Variants in UACA observed in about 807,000 individuals in gnomAD.
UACA encodes uveal autoantigen with coiled-coil domains and ankyrin repeats, also known as nuclear membrane binding protein.
UACA carries 112 observed loss-of-function variants against 160.5 expected under a neutral mutation model. The ratio of observed to expected loss-of-function variants is 0.70; its 90% CI spans 0.60 to 0.82. The LOEUF (loss-of-function observed/expected upper bound fraction) is 0.82, where lower values mean the gene tolerates loss of function less well. Ranked by LOEUF, UACA falls within the 40% of genes least tolerant of loss-of-function variation. The probability of loss-of-function intolerance (pLI) is 0.00; values close to 1 mark genes in which losing one functional copy is unlikely to be tolerated. For synonymous variants in UACA, 557 were observed against 568.4 expected (o/e 0.98, Z 0.29); for missense variants, 1,574 against 1,614.6 (o/e 0.97, Z 0.43).
chr15:70,708,567 A>G (rs1898587791), intron 1 of UACA, among the ~76,000 whole-genome samples: 1 of 151,792 alleles, frequency 6.6e-6, no homozygotes, highest in Non-Finnish European at 1.5e-5. Context: ...ACCCAGGTTC[A>G]AGCTATTCTC....
At chr15:70,757,548 A>C (rs77625673) in intron 1 of UACA, among the ~76,000 whole-genome samples, 7,314 of 152,260 alleles carry the variant, frequency 0.048, 626 homozygotes, top group African/African-American at 0.17. Flanking sequence ...GTAAAGTATA[A>C]CTAAAACAGA....
intron 11 of UACA, among the ~76,000 whole-genome samples, chr15:70,677,549 C>T (rs748998560): frequency 6.6e-6 from 1 of 152,156 alleles, no homozygotes; most frequent in Non-Finnish European, 1.5e-5. Flanking sequence ...GTACCAATCA[C>T]GCAGTTACTT....
At chr15:70,697,072 T>C (rs190159615) in intron 2 of UACA, among the ~76,000 whole-genome samples, 1 of 152,360 alleles carries the variant, frequency 6.6e-6, no homozygotes, top group Admixed American at 6.5e-5. Flanking sequence ...ATCAACTCTA[T>C]GTTTTCTTCT....
chr15:70,664,741 C>G lies in UACA; in HGVS notation c.4034G>C (p.Ser1345Thr). 1 of 1,613,704 alleles carries G rather than the reference C, an allele frequency of 6.2e-7. No individual in the cohort carries two copies. Among genetic ancestry groups the G allele is most frequent in the Non-Finnish European group, 8.5e-7 (1 of 1,179,864 alleles). The change falls in exon 17 of 19, where the codon AGT (serine) becomes ACT (threonine). Residue 1345 changes from serine (S) to threonine (T), a missense_variant. Coordinates refer to ENST00000322954, the MANE Select transcript of UACA (RefSeq NM_018003.4). The stretch of plus-strand genomic sequence containing the variant: ...GCTCTGCCTCTTGGTGGGGTTCCCA[C>G]TTGTGTAGGTGAGTTGGGAAAGGCC... The part of the protein sequence containing the change: ...LNGLSQLTYT[S>T]GNPTKRQSQL...
At chr15:70,776,425 C>CTT in the UACA span, among the ~76,000 whole-genome samples, 1,109 of 125,296 alleles carry the variant, frequency 8.9e-3, 12 homozygotes, top group Non-Finnish European at 0.015. Context: ...CCTCAAATGT[C>CTT]TTTTTTTTTT....
rs148033681 is a variant in UACA, at chr15:70,690,638, C to A, written c.367-127G>T. 1.8e-4 allele frequency: 121 copies of A among 674,678 alleles called. No homozygotes were observed. The African/African-American group carries it at 2.1e-3, about 11-fold the overall frequency. The allele number at this position is 674,678 out of a possible 1,614,324, so 41.8% of individuals were successfully genotyped here. A position where few individuals can be genotyped will look rare whatever the true frequency, so the allele number is the denominator to read the frequency against. On this transcript the variant is annotated intron_variant, in intron 4 of 18. Coordinates refer to ENST00000322954, the MANE Select transcript of UACA (RefSeq NM_018003.4). ...CTTATCAAAGAAGCTAAAGACTATC[C>A]GACAATCCATGAAATATGCTGACAT...
In UACA at chr15:70,685,470, C is replaced by A. The variant is rs187152094; in HGVS notation, c.603-1024G>T. 9.2e-5 allele frequency among the ~76,000 whole-genome samples: 14 copies of A among 152,234 alleles called. No individual in the cohort carries two copies. The East Asian group carries it at 2.3e-3, about 25-fold the overall frequency. On this transcript the variant is annotated intron_variant, in intron 7 of 18. Transcript: ENST00000322954. ...CATATTCAAGCCTTGTCCCCCAACT[C>A]CCCTGTAGTTGCTGATAAGAAATTC...
intron 1 of UACA, chr15:70,748,821 A>G (rs1899790938): frequency 6.6e-6 from 1 of 152,530 alleles, no homozygotes; most frequent in African/African-American, 2.4e-5. Context: ...GAATATTCCA[A>G]TTATTAATAG....
chr15:70,687,711 T>C (rs1232434589), intron 6 of UACA, 39 bp downstream of exon 6: 1 of 1,613,208 alleles, frequency 6.2e-7, no homozygotes, highest in Non-Finnish European at 8.5e-7. Context: ...GAAGTTAGAA[T>C]GCATGAGTTG....
At chr15:70,676,738 T>C in intron 12 of UACA, 147 bp from the exon 13 acceptor site, 1 of 600,534 alleles carries the variant, frequency 1.7e-6, no homozygotes, top group East Asian at 2.8e-5. Context: ...ACTAATAGAG[T>C]TGATAATTTC....
chr15:70,722,802 T>G (rs1899030812), intron 1 of UACA, among the ~76,000 whole-genome samples: 1 of 152,198 alleles, frequency 6.6e-6, no homozygotes, highest in Admixed American at 6.6e-5. Context: ...CATTAAAATC[T>G]CAATCTTTCT....
At chr15:70,706,649 T>C (rs1898532192) in intron 1 of UACA, among the ~76,000 whole-genome samples, 1 of 152,028 alleles carries the variant, frequency 6.6e-6, no homozygotes, top group Non-Finnish European at 1.5e-5. Flanking sequence ...GTTGCATTTC[T>C]ATATAATAAC....
the UACA span, among the ~76,000 whole-genome samples, chr15:70,773,132 T>C: frequency 6.7e-6 from 1 of 149,408 alleles, no homozygotes; most frequent in Non-Finnish European, 1.5e-5. Context: ...GGCTAGAGAA[T>C]AGGCAGGAAC....
intron 1 of UACA, among the ~76,000 whole-genome samples, chr15:70,709,537 A>G (rs976241489): frequency 3.3e-5 from 5 of 152,208 alleles, no homozygotes; most frequent in Admixed American, 2.0e-4. Flanking sequence ...TAGTGTAGAA[A>G]GCCTAGAATA....
At chr15:70,696,395 C>A (rs1898129526) in intron 2 of UACA, among the ~76,000 whole-genome samples, 1 of 152,154 alleles carries the variant, frequency 6.6e-6, no homozygotes, top group South Asian at 2.1e-4. Flanking sequence ...AATAACAGTG[C>A]CAGTCAAATG....
chr15:70,761,123 A>T (rs185532744), intron 1 of UACA, among the ~76,000 whole-genome samples: 1,652 of 149,080 alleles, frequency 0.011, 27 homozygotes, highest in African/African-American at 0.039. Context: ...TTACAGTTTT[A>T]AAAAAAAAAG....
chr15:70,712,064 A>ATATATATATATATCTATC (rs909386790), intron 1 of UACA, among the ~76,000 whole-genome samples: 2 of 145,464 alleles, frequency 1.4e-5, no homozygotes, highest in African/African-American at 5.6e-5. Context: ...ATATATATAT[A>ATATATATATATATCTATC]TATCTCCATA....
chr15:70,717,262 T>G (rs1022889957), intron 1 of UACA, among the ~76,000 whole-genome samples: 1 of 152,186 alleles, frequency 6.6e-6, no homozygotes, highest in African/African-American at 2.4e-5. Context: ...TACTGTAATG[T>G]CTAATCAGTA....
At chr15:70,661,200 C>T (rs765651096) in intron 17 of UACA, 42 of 152,194 alleles carry the variant, frequency 2.8e-4, no homozygotes, top group Admixed American at 2.7e-3. Context: ...CCAGGTACTC[C>T]CTTCTTTAAA....
Sources: gnomAD v4.1 joint callset for allele counts (sites outside exome capture counted in the v4.1 genomes callset) on GRCh38, gnomAD v4.1.1 for gene constraint, MANE v1.5 for transcripts, NCBI Gene and HGNC (gene_info 2026-07-23, HGNC 2026-07-21) for gene names.